Variants in EYS observed in about 807,000 individuals in gnomAD.
EYS encodes EGF-like photoreceptor maintenance factor.
In EYS, 250 loss-of-function variants were observed where a neutral mutation model predicts 282.1. The observed-to-expected ratio is 0.89, with a 90% CI of 0.80 to 0.98. The LOEUF is 0.98. EYS is among the 50% of genes least tolerant of loss of function. The pLI is 0.00. For missense variants in EYS, 4,016 were observed against 3,709.0 expected (o/e 1.08, Z -2.15); for synonymous variants, 1,355 against 1,282.9 (o/e 1.06, Z -1.20).
intron 12 of EYS, among the ~76,000 whole-genome samples, chr6:65,231,878 C>A (rs1032341235): frequency 6.6e-6 from 1 of 151,722 alleles, no homozygotes; most frequent in Non-Finnish European, 1.5e-5. Flanking sequence ...GTTCCCAAGT[C>A]TTGTGGTTGA....
chr6:65,115,268 A>C (rs1581922333), intron 12 of EYS, among the ~76,000 whole-genome samples: 1 of 152,096 alleles, frequency 6.6e-6, no homozygotes, highest in Non-Finnish European at 1.5e-5. Context: ...AAGTATCATA[A>C]TATACCTTTC....
Position 64,902,137 on chromosome 6 carries a change from C to T in EYS, c.2822G>A (p.Gly941Glu). ...CCTGTTTGTCAGATCCACACATGTT[C>T]CATTATTTTTGCAAGGTTCAGAGGA... ...ECSSEPCKNN[G>E]TCVDLTNRFF... The change falls in exon 18 of 43, where the codon GGA (glycine) becomes GAA (glutamate). Residue 941 changes from glycine (G) to glutamate (E), a missense_variant. Coordinates refer to ENST00000503581, the MANE Select transcript of EYS (RefSeq NM_001142800.2). 1 of 1,547,216 alleles carries T rather than the reference C, an allele frequency of 6.5e-7. No individual in the cohort carries two copies. Among genetic ancestry groups the T allele is most frequent in the Non-Finnish European group, 8.7e-7 (1 of 1,145,328 alleles).
intron 12 of EYS, among the ~76,000 whole-genome samples, chr6:65,201,505 T>C (rs558042294): frequency 6.6e-6 from 1 of 152,278 alleles, no homozygotes; most frequent in African/African-American, 2.4e-5. Context: ...GATGACTAAA[T>C]TGAAAAATCT....
chr6:65,114,887 T>C (rs1775323407), intron 12 of EYS, among the ~76,000 whole-genome samples: 1 of 152,020 alleles, frequency 6.6e-6, no homozygotes, highest in African/African-American at 2.4e-5. Context: ...CATCAACTTT[T>C]CTCATAATGC....
At chr6:63,998,051 C>T (rs1767915064) in intron 34 of EYS, among the ~76,000 whole-genome samples, 1 of 152,060 alleles carries the variant, frequency 6.6e-6, no homozygotes, top group Non-Finnish European at 1.5e-5. Flanking sequence ...CCTACCCTAA[C>T]AACCCACTTG....
chr6:63,920,993 C>T (rs943478464), intron 35 of EYS, among the ~76,000 whole-genome samples: 1 of 151,970 alleles, frequency 6.6e-6, no homozygotes, highest in South Asian at 2.1e-4. Context: ...CCCGGGTTCA[C>T]GCCATTCTCC....
In EYS at chr6:65,231,082, T is replaced by TGTATATATATATACTTTTATATATATAA. The variant is rs1562037827; in HGVS notation, c.2023+64780_2023+64781insTTATATATATAAAAGTATATATATATAC. 3.6e-3 allele frequency among the ~76,000 whole-genome samples: 508 copies of TGTATATATATATACTTTTATATATATAA among 142,400 alleles called. 8 individuals carry two copies. The highest frequency in any genetic ancestry group is 7.5e-3 in the Middle Eastern group (2 of 268). The allele number at this position is 142,400 out of a possible 152,430, so 93.4% of individuals were successfully genotyped here. On this transcript the variant is annotated intron_variant, in intron 12 of 42. Transcript: ENST00000503581. The stretch of plus-strand genomic sequence containing the variant: ...ATATATGTACTTTTATATATATATA[T>TGTATATATATATACTTTTATATATATAA]GTGTATATATATATACTTTTATATA...
At chr6:64,062,314 A>G (rs1204636312) in intron 33 of EYS, among the ~76,000 whole-genome samples, 1 of 152,168 alleles carries the variant, frequency 6.6e-6, no homozygotes, top group Non-Finnish European at 1.5e-5. Flanking sequence ...AGAAGCCTCA[A>G]GCTATGTATC....
At chr6:64,173,782 A>G (rs1489518104) in intron 31 of EYS, among the ~76,000 whole-genome samples, 1 of 152,128 alleles carries the variant, frequency 6.6e-6, no homozygotes, top group Non-Finnish European at 1.5e-5. Context: ...TGAGTGGTAA[A>G]ATCTTTATGT....
At chr6:64,223,051 A>G (rs1217960039) in intron 31 of EYS, among the ~76,000 whole-genome samples, 2 of 151,916 alleles carry the variant, frequency 1.3e-5, no homozygotes, top group Middle Eastern at 3.4e-3. Flanking sequence ...GTGACTTTCT[A>G]TTTTTTAAGT....
chr6:64,180,005 G>A (rs9362531), intron 31 of EYS, among the ~76,000 whole-genome samples: 38,775 of 151,936 alleles, frequency 0.26, 5,444 homozygotes, highest in East Asian at 0.43. Context: ...TCTGAGGTTT[G>A]AGATAAAACA....
intron 31 of EYS, among the ~76,000 whole-genome samples, chr6:64,151,313 A>G (rs201600319): frequency 0.011 from 550 of 50,788 alleles, 13 homozygotes; most frequent in East Asian, 0.1. Flanking sequence ...GTGTGTGTGT[A>G]TATTTATATA....
intron 12 of EYS, among the ~76,000 whole-genome samples, chr6:65,102,001 C>T (rs953057232): frequency 2.0e-5 from 3 of 151,118 alleles, no homozygotes; most frequent in Non-Finnish European, 3.0e-5. Flanking sequence ...AGGAGTATAC[C>T]ACATCATTAT....
intron 39 of EYS, among the ~76,000 whole-genome samples, chr6:63,785,253 A>C (rs955972831): frequency 2.6e-5 from 4 of 152,228 alleles, no homozygotes; most frequent in Non-Finnish European, 5.9e-5. Flanking sequence ...CACAATTAAC[A>C]GCTCAGCAAG....
intron 12 of EYS, among the ~76,000 whole-genome samples, chr6:65,062,568 A>G (rs988136845): frequency 4.6e-5 from 7 of 151,984 alleles, no homozygotes; most frequent in African/African-American, 1.7e-4. Context: ...GCAGTACTCC[A>G]AACTCCTTAC....
intron 22 of EYS, among the ~76,000 whole-genome samples, chr6:64,693,472 G>T (rs1440871522): frequency 6.6e-6 from 1 of 152,066 alleles, no homozygotes. Flanking sequence ...ATAGAGTTCA[G>T]AAATAAACCT....
chr6:65,529,625 G>A (rs984374796), intron 2 of EYS, among the ~76,000 whole-genome samples: 1 of 152,148 alleles, frequency 6.6e-6, no homozygotes, highest in African/African-American at 2.4e-5. Context: ...CAACCAGCCT[G>A]ATAACACATT....
intron 22 of EYS, among the ~76,000 whole-genome samples, chr6:64,729,707 C>T (rs77684138): frequency 0.02 from 3,019 of 151,850 alleles, 93 homozygotes; most frequent in East Asian, 0.15. Flanking sequence ...TGGTAAAAAC[C>T]GCAATAACTT....
intron 35 of EYS, among the ~76,000 whole-genome samples, chr6:63,944,813 A>G (rs950915217): frequency 2.0e-5 from 3 of 152,148 alleles, no homozygotes; most frequent in Admixed American, 1.3e-4. Context: ...ACACACCTGT[A>G]ATTCCAGCTA....
Sources: allele counts gnomAD v4.1 joint callset (sites outside exome capture counted in the v4.1 genomes callset), GRCh38; gene constraint gnomAD v4.1.1; transcripts MANE v1.5; gene names NCBI Gene and HGNC (gene_info 2026-07-23, HGNC 2026-07-21).